DNAJC1: variants seen among roughly 807,000 people sequenced by gnomAD.
The protein encoded by DNAJC1 is DnaJ heat shock protein family (Hsp40) member C1, also known as dnaJ homolog subfamily C member 1.
In DNAJC1, 58 loss-of-function variants were observed where a neutral mutation model predicts 76.6. That is an observed-to-expected ratio of 0.76 (90% CI 0.61 to 0.94). DNAJC1 has a LOEUF of 0.94. Among genes scored for constraint, DNAJC1 ranks in the 40% least tolerant of loss-of-function variants. DNAJC1 has a pLI of 0.00. For synonymous variants in DNAJC1, 258 were observed against 267.9 expected (o/e 0.96, Z 0.36); for missense variants, 689 against 677.3 (o/e 1.02, Z -0.19).
intron 8 of DNAJC1, among the ~76,000 whole-genome samples, chr10:21,834,709 A>G (rs1331917042): frequency 6.6e-6 from 1 of 152,222 alleles, no homozygotes; most frequent in Non-Finnish European, 1.5e-5. Flanking sequence ...AAGCCCATGG[A>G]GTCTCGCTCA....
intron 1 of DNAJC1, among the ~76,000 whole-genome samples, chr10:21,944,021 T>C (rs1003521368): frequency 2.3e-4 from 35 of 152,114 alleles, no homozygotes; most frequent in African/African-American, 7.2e-4. Context: ...GTACATCTCA[T>C]TGGCCAAATC....
intron 8 of DNAJC1, among the ~76,000 whole-genome samples, chr10:21,864,486 G>T (rs1835964263): frequency 6.6e-6 from 1 of 151,998 alleles, no homozygotes; most frequent in African/African-American, 2.4e-5. Context: ...GCCGAGCGTG[G>T]TGGCATGCGC....
intron 6 of DNAJC1, among the ~76,000 whole-genome samples, chr10:21,913,630 G>C (rs551442710): frequency 1.3e-5 from 2 of 152,230 alleles, no homozygotes; most frequent in African/African-American, 2.4e-5. Flanking sequence ...AAATACCCAA[G>C]AAGGGCATTT....
intron 3 of DNAJC1, among the ~76,000 whole-genome samples, chr10:21,924,151 T>C (rs1054827049): frequency 2.0e-5 from 3 of 152,040 alleles, no homozygotes; most frequent in Non-Finnish European, 4.4e-5. Context: ...AAAAAATATA[T>C]ATATGCCAAA....
rs547291870 is a variant in DNAJC1 at position 21,796,135 on chromosome 10, A to G, written c.1098+9845T>C. Among the ~76,000 whole-genome samples, 573 of 151,792 alleles carry G rather than the reference A, an allele frequency of 3.8e-3. 1 individual carries two copies. Among genetic ancestry groups the G allele is most frequent in the South Asian group, 7.3e-3 (35 of 4,798 alleles). On this transcript the variant is annotated intron_variant, in intron 9 of 11. Transcript: ENST00000376980. ...CAGGCATGCACCACCATACCCAGCT[A>G]ATTTTTGTATTTTTAGTAGAGACGG...
intron 9 of DNAJC1, among the ~76,000 whole-genome samples, chr10:21,772,515 T>C (rs1170303182): frequency 6.6e-6 from 1 of 152,186 alleles, no homozygotes; most frequent in East Asian, 1.9e-4. Flanking sequence ...ATCTAATTTC[T>C]TGACATACAT....
Position 21,766,249 on chromosome 10 carries a change from G to A in DNAJC1, c.1147+12C>T, listed in dbSNP as rs1313031146. 2.5e-6 allele frequency: 4 copies of A among 1,597,958 alleles called. No homozygotes were observed. The East Asian group carries it at 6.7e-5, about 27-fold the overall frequency. ...ACTTTAGATTAATGAGATAGAGGAAGTATGAACTCACCTGGGGAGCAGGTC... is the reference window on the plus strand; with the variant it reads ...ACTTTAGATTAATGAGATAGAGGAAATATGAACTCACCTGGGGAGCAGGTC... On this transcript the variant is annotated intron_variant, in intron 10 of 11. Transcript: ENST00000376980.
intron 9 of DNAJC1, 67 bp downstream of exon 9, chr10:21,805,913 C>A: frequency 6.3e-7 from 1 of 1,592,324 alleles, no homozygotes; most frequent in South Asian, 1.1e-5. Context: ...CCATCTATGT[C>A]TGCCTTCTAC....
At chr10:21,989,194 G>C (rs1329300465) in intron 1 of DNAJC1, among the ~76,000 whole-genome samples, 1 of 151,914 alleles carries the variant, frequency 6.6e-6, no homozygotes, top group Non-Finnish European at 1.5e-5. Flanking sequence ...AGTGGCAAAA[G>C]GTTCTCAGAT....
intron 1 of DNAJC1, among the ~76,000 whole-genome samples, chr10:22,001,276 G>GA (rs1838514983): frequency 6.6e-6 from 1 of 152,150 alleles, no homozygotes; most frequent in Admixed American, 6.5e-5. Context: ...AACTACACAT[G>GA]AAAGACCCTG....
chr10:21,969,379 T>G (rs1227372017), intron 1 of DNAJC1, among the ~76,000 whole-genome samples: 1 of 152,038 alleles, frequency 6.6e-6, no homozygotes, highest in Non-Finnish European at 1.5e-5. Context: ...AAAAATAAAT[T>G]AACTCATCAT....
intron 1 of DNAJC1, among the ~76,000 whole-genome samples, chr10:21,996,544 TATATTTCTAGGAATAATTGTA>T (rs1421030012): frequency 6.6e-6 from 1 of 152,222 alleles, no homozygotes; most frequent in Non-Finnish European, 1.5e-5. Context: ...CGTTTTAGAA[TATATTTCTAGGAATAATTGTA>T]ATAGCAGAAG....
intron 1 of DNAJC1, among the ~76,000 whole-genome samples, chr10:21,963,830 C>T (rs1837842932): frequency 6.6e-6 from 1 of 151,920 alleles, no homozygotes; most frequent in Non-Finnish European, 1.5e-5. Flanking sequence ...TTTATTTTAT[C>T]AGGGTCTTTT....
intron 6 of DNAJC1, among the ~76,000 whole-genome samples, chr10:21,916,729 A>G (rs933573698): frequency 1.3e-5 from 2 of 152,154 alleles, no homozygotes; most frequent in African/African-American, 2.4e-5. Context: ...AGGTCATCAC[A>G]TACTACAAAA....
intron 1 of DNAJC1, among the ~76,000 whole-genome samples, chr10:21,986,230 C>A (rs1838245264): frequency 6.6e-6 from 1 of 152,110 alleles, no homozygotes; most frequent in African/African-American, 2.4e-5. Context: ...AAACAACTGC[C>A]ACACTGTTTT....
intron 8 of DNAJC1, among the ~76,000 whole-genome samples, chr10:21,852,687 A>G (rs1172194207): frequency 6.6e-6 from 1 of 152,178 alleles, no homozygotes; most frequent in African/African-American, 2.4e-5. Context: ...CGTAAACCAT[A>G]TGCATACCAA....
intron 8 of DNAJC1, among the ~76,000 whole-genome samples, chr10:21,813,460 A>G (rs1363362120): frequency 1.3e-5 from 2 of 150,084 alleles, no homozygotes; most frequent in Non-Finnish European, 2.9e-5. Context: ...CAGTAGCGCA[A>G]TTTCAGCTCA....
chr10:21,873,751 TCTTTTTAAAAAC>T (rs1836142198), intron 8 of DNAJC1, among the ~76,000 whole-genome samples: 1 of 152,226 alleles, frequency 6.6e-6, no homozygotes, highest in African/African-American at 2.4e-5. Flanking sequence ...TAATTCCTTT[TCTTTTTAAAAAC>T]CTAATTCAAA....
chr10:21,875,173 G>A (rs1315563934), intron 8 of DNAJC1, among the ~76,000 whole-genome samples: 1 of 151,776 alleles, frequency 6.6e-6, no homozygotes, highest in African/African-American at 2.4e-5. Flanking sequence ...CAGCCACCAC[G>A]CCCAGCGAGA....
Sources: gnomAD v4.1 joint callset for allele counts (sites outside exome capture counted in the v4.1 genomes callset) on GRCh38, gnomAD v4.1.1 for gene constraint, MANE v1.5 for transcripts, NCBI Gene and HGNC (gene_info 2026-07-23, HGNC 2026-07-21) for gene names.